The following PLXNA4 variants were observed in gnomAD, a reference collection of about 807,000 sequenced individuals.
PLXNA4 encodes the protein plexin-A4.
Under a neutral mutation model 191.8 loss-of-function variants are expected in PLXNA4, and 44 were observed. The observed-to-expected ratio is 0.23, with a 90% CI of 0.18 to 0.29. The LOEUF (loss-of-function observed/expected upper bound fraction) is 0.29, where lower values mean the gene tolerates loss of function less well. Among genes scored for constraint, PLXNA4 ranks in the 10% least tolerant of loss-of-function variants. PLXNA4 has a pLI of 1.00. For missense variants in PLXNA4, 1,800 were observed against 2,488.8 expected (o/e 0.72, Z 5.89); for synonymous variants, 1,082 against 1,009.5 (o/e 1.07, Z -1.36).
intron 3 of PLXNA4, among the ~76,000 whole-genome samples, chr7:132,410,891 A>C (rs1794430704): frequency 1.3e-5 from 2 of 152,156 alleles, no homozygotes. Context: ...ACTCCACTGG[A>C]AGCCCAAACC....
chr7:132,138,864 G>T (rs990531067), intron 30 of PLXNA4, among the ~76,000 whole-genome samples: 2 of 152,232 alleles, frequency 1.3e-5, no homozygotes, highest in Admixed American at 6.5e-5. Flanking sequence ...TGTCCTTTAT[G>T]CAGACACTTT....
At chr7:132,454,842 AG>A (rs1212001468) in intron 3 of PLXNA4, among the ~76,000 whole-genome samples, 2 of 152,130 alleles carry the variant, frequency 1.3e-5, no homozygotes, top group African/African-American at 4.8e-5. Context: ...TCCAGCCACC[AG>A]GAGAGCGAAG....
chr7:132,404,135 T>C (rs1585089577), intron 3 of PLXNA4, among the ~76,000 whole-genome samples: 1 of 152,060 alleles, frequency 6.6e-6, no homozygotes, highest in Non-Finnish European at 1.5e-5. Context: ...TCAGAGCCCA[T>C]TGAGGAATTA....
intron 4 of PLXNA4, among the ~76,000 whole-genome samples, chr7:132,258,330 C>A (rs1799504066): frequency 1.3e-5 from 2 of 152,206 alleles, no homozygotes; most frequent in Non-Finnish European, 2.9e-5. Flanking sequence ...TGCCTCAGCT[C>A]CCTATTAGAT....
chr7:132,515,793 A>G (rs545149300), intron 1 of PLXNA4, among the ~76,000 whole-genome samples: 23 of 152,318 alleles, frequency 1.5e-4, no homozygotes, highest in Middle Eastern at 3.4e-3. Context: ...ACCTTCTCTG[A>G]TCAAGCCACT....
intron 3 of PLXNA4, among the ~76,000 whole-genome samples, chr7:132,448,200 T>C (rs1795984341): frequency 6.6e-6 from 1 of 152,186 alleles, no homozygotes; most frequent in Non-Finnish European, 1.5e-5. Context: ...TTATGGAAGC[T>C]TCCATTTTGT....
intron 31 of PLXNA4, among the ~76,000 whole-genome samples, chr7:132,132,723 G>A (rs1795004626): frequency 6.6e-6 from 1 of 151,968 alleles, no homozygotes; most frequent in Non-Finnish European, 1.5e-5. Context: ...GGAGGTGCCT[G>A]TTTAAAGAGA....
chr7:132,454,550 C>A (rs1338348336), intron 3 of PLXNA4, among the ~76,000 whole-genome samples: 1 of 152,048 alleles, frequency 6.6e-6, no homozygotes, highest in South Asian at 2.1e-4. Flanking sequence ...TGCGCCCCCC[C>A]AACCATGTCA....
At chr7:132,518,107 T>A (rs1799012544) in intron 1 of PLXNA4, among the ~76,000 whole-genome samples, 1 of 152,192 alleles carries the variant, frequency 6.6e-6, no homozygotes, top group Non-Finnish European at 1.5e-5. Flanking sequence ...TGCAGCTCGC[T>A]ACAGTCTGGG....
chr7:132,203,478 G>A lies in PLXNA4; in HGVS notation c.2299-59C>T, dbSNP rs536307941. 26 of 1,459,246 alleles carry A rather than the reference G, an allele frequency of 1.8e-5. No individual in the cohort carries two copies. In the Admixed American group the frequency reaches 3.2e-4, roughly 18 times the overall value. The allele number at this position is 1,459,246 out of a possible 1,614,324, so 90.4% of individuals were successfully genotyped here. A position where few individuals can be genotyped will look rare whatever the true frequency, so the allele number is the denominator to read the frequency against. On this transcript the variant is annotated intron_variant, in intron 10 of 31. Coordinates refer to ENST00000321063, the MANE Select transcript of PLXNA4 (RefSeq NM_020911.2). ...GTGGGGTCACAGAGAGTTCTAGAGA[G>A]GGCCCAAATGATCAGCCTACGGCCG... is the stretch of plus-strand genomic sequence containing the variant.
At position 132,259,757 on chromosome 7, in the gene PLXNA4, G is replaced by C. The variant is rs149223697; in HGVS notation, c.1504-18591C>G. The stretch of plus-strand genomic sequence containing the variant: ...TCAGTAGGCGATGGATAAATAAATG[G>C]TGTGGTACATCCAGACAATGGAATA... On this transcript the variant is annotated intron_variant, in intron 4 of 31. Transcript: ENST00000321063. Among the ~76,000 whole-genome samples, 385 of 152,290 alleles carry C rather than the reference G, an allele frequency of 2.5e-3. 4 individuals are homozygous for C. The highest frequency in any genetic ancestry group is 8.8e-3 in the African/African-American group (364 of 41,546).
chr7:132,636,513 C>A (rs1423360790), intron 2 of PLXNA4, among the ~76,000 whole-genome samples: 1 of 152,182 alleles, frequency 6.6e-6, no homozygotes, highest in Non-Finnish European at 1.5e-5. Context: ...CCCACACTCT[C>A]GGCTCCATCC....
intron 4 of PLXNA4, among the ~76,000 whole-genome samples, chr7:132,291,495 T>C (rs1339015453): frequency 6.6e-6 from 1 of 152,210 alleles, no homozygotes; most frequent in African/African-American, 2.4e-5. Flanking sequence ...CCTGGTATCC[T>C]AGAAGAATGC....
At chr7:132,303,880 T>C (rs1450735345) in intron 3 of PLXNA4, among the ~76,000 whole-genome samples, 2 of 152,136 alleles carry the variant, frequency 1.3e-5, no homozygotes, top group African/African-American at 4.8e-5. Context: ...AGGCCTCTCT[T>C]TGTTCTTCTC....
At chr7:132,295,199 A>G (rs1434643060) in intron 4 of PLXNA4, among the ~76,000 whole-genome samples, 1 of 152,140 alleles carries the variant, frequency 6.6e-6, no homozygotes, top group Admixed American at 6.5e-5. Flanking sequence ...AAAAATTAAG[A>G]GGGGCCTATT....
chr7:132,404,099 C>T (rs1240197478), intron 3 of PLXNA4, among the ~76,000 whole-genome samples: 1 of 152,104 alleles, frequency 6.6e-6, no homozygotes. Flanking sequence ...CACGGGTCCC[C>T]AAGCACCTCC....
At chr7:132,406,282 C>A (rs189450869) in intron 3 of PLXNA4, among the ~76,000 whole-genome samples, 1 of 152,158 alleles carries the variant, frequency 6.6e-6, no homozygotes, top group South Asian at 2.1e-4. Context: ...GTATTTTTTC[C>A]GTGGCCCATA....
chr7:132,202,121 A>C (rs1210424882), intron 12 of PLXNA4, among the ~76,000 whole-genome samples: 1 of 152,112 alleles, frequency 6.6e-6, no homozygotes, highest in Non-Finnish European at 1.5e-5. Context: ...TTCCTCCCCC[A>C]GGTCTTTGCT....
chr7:132,563,709 CCTT>C (rs1290021927), intron 1 of PLXNA4, among the ~76,000 whole-genome samples: 7 of 115,018 alleles, frequency 6.1e-5, no homozygotes, highest in Admixed American at 8.2e-5. Flanking sequence ...TCCTCCTCCT[CCTT>C]CTCCTCCTCC....
Sources: gnomAD v4.1 joint callset for allele counts (sites outside exome capture counted in the v4.1 genomes callset) on GRCh38, gnomAD v4.1.1 for gene constraint, MANE v1.5 for transcripts, NCBI Gene and HGNC (gene_info 2026-07-23, HGNC 2026-07-21) for gene names.